The following PANK1 variants were observed in gnomAD, a reference collection of about 807,000 sequenced individuals.
PANK1 encodes the protein pantothenic acid kinase 1.
PANK1 carries 18 observed loss-of-function variants against 40.1 expected under a neutral mutation model. The ratio of observed to expected loss-of-function variants is 0.45; its 90% CI spans 0.31 to 0.67. The LOEUF (loss-of-function observed/expected upper bound fraction) is 0.67, where lower values mean the gene tolerates loss of function less well. Among genes scored for constraint, PANK1 ranks in the 30% least tolerant of loss-of-function variants. The pLI, the probability that PANK1 is intolerant of heterozygous loss-of-function variation, is 0.06. For missense variants in PANK1, 457 were observed against 599.6 expected (o/e 0.76, Z 2.48); for synonymous variants, 242 against 237.7 (o/e 1.02, Z -0.17).
chr10:89,631,223 T>G (rs756381458), intron 1 of PANK1, among the ~76,000 whole-genome samples: 1 of 152,210 alleles, frequency 6.6e-6, no homozygotes, highest in African/African-American at 2.4e-5. Context: ...AAGCACATTT[T>G]CATAAAGCTG....
chr10:89,580,152 G>T (rs1170168145), downstream of PANK1: 6 of 152,196 alleles, frequency 3.9e-5, no homozygotes, highest in African/African-American at 1.4e-4. Context: ...TGTCCTCTGA[G>T]AAAGTTCTCA....
At chr10:89,594,570 T>C (rs1325481348) in intron 3 of PANK1, among the ~76,000 whole-genome samples, 2 of 152,226 alleles carry the variant, frequency 1.3e-5, no homozygotes, top group Non-Finnish European at 2.9e-5. Context: ...TTTAGCCTCC[T>C]TGAATATTTC....
At chr10:89,603,847 G>A (rs1355624291) in intron 2 of PANK1, among the ~76,000 whole-genome samples, 1 of 152,162 alleles carries the variant, frequency 6.6e-6, no homozygotes, top group African/African-American at 2.4e-5. Context: ...AAAGTCTCAA[G>A]CAAGAATGAA....
At chr10:89,636,383 T>C (rs141013407) in intron 1 of PANK1, among the ~76,000 whole-genome samples, 2,279 of 152,012 alleles carry the variant, frequency 0.015, 68 homozygotes, top group African/African-American at 0.052. Context: ...GGAGTGCAGG[T>C]TGGCTTGCAG....
At chr10:89,617,992 C>T (rs186811010) in intron 1 of PANK1, among the ~76,000 whole-genome samples, 6 of 152,328 alleles carry the variant, frequency 3.9e-5, no homozygotes, top group African/African-American at 1.4e-4. Flanking sequence ...GCTGTTCAGG[C>T]TCCAACGCAG....
Position 89,611,834 on chromosome 10 carries a change from G to T in PANK1, c.507C>A (p.Asn169Lys). The T allele has an allele frequency of 6.2e-7, 1 of 1,614,204 alleles. No homozygotes were observed. The highest frequency in any genetic ancestry group is 1.1e-5 in the South Asian group (1 of 91,088). Residue 169 changes from asparagine (N) to lysine (K), a missense_variant, in exon 2 of 7, where the codon AAC becomes AAA. By Grantham distance (94) the Asn-to-Lys change is moderately conservative. Around this residue, in one of 4 missense-constraint regions of PANK1, gnomAD observed 286 missense variants for 415.8 expected, o/e 0.69. Transcript: ENST00000307534. ...KNLTMCGRKGNLHFIRFPSCA... is the reference protein window; with the variant it reads ...KNLTMCGRKGKLHFIRFPSCA... ...AGCTGGGAAAGCGGATGAAGTGCAG[G>T]TTCCCTTTGCGTCCACACATGGTCA...
At chr10:89,609,966 A>G (rs1845101876) in intron 2 of PANK1, among the ~76,000 whole-genome samples, 1 of 152,188 alleles carries the variant, frequency 6.6e-6, no homozygotes, top group Admixed American at 6.5e-5. Flanking sequence ...TCTCCAGTGG[A>G]AATGGACAGA....
chr10:89,587,131 AAAAG>A (rs1291338252), intron 6 of PANK1, among the ~76,000 whole-genome samples: 3 of 152,074 alleles, frequency 2.0e-5, no homozygotes, highest in Non-Finnish European at 4.4e-5. Flanking sequence ...TCAAAAAAAA[AAAAG>A]AAACTCCAAT....
intron 1 of PANK1, among the ~76,000 whole-genome samples, chr10:89,631,010 A>AT (rs1217156597): frequency 8.6e-5 from 13 of 151,520 alleles, no homozygotes; most frequent in South Asian, 4.2e-4. Context: ...CTAAACAAAC[A>AT]TTTTTTTTTA....
At chr10:89,598,879 T>A (rs1844690715) in intron 3 of PANK1, among the ~76,000 whole-genome samples, 1 of 152,216 alleles carries the variant, frequency 6.6e-6, no homozygotes, top group South Asian at 2.1e-4. Context: ...GAGCTAGGCA[T>A]CAATGAGGGT....
At chr10:89,603,084 T>C (rs1844836210) in intron 2 of PANK1, among the ~76,000 whole-genome samples, 1 of 152,220 alleles carries the variant, frequency 6.6e-6, no homozygotes, top group African/African-American at 2.4e-5. Flanking sequence ...CCAGCAAATA[T>C]GCAAATGAAG....
At chr10:89,613,754 T>C (rs7079690) in intron 1 of PANK1, among the ~76,000 whole-genome samples, 82,650 of 152,072 alleles carry the variant, frequency 0.54, 23,336 homozygotes, top group South Asian at 0.63. Context: ...CTGGTCATCC[T>C]CATTTGTTGA....
chr10:89,613,089 G>T (rs763581380), intron 1 of PANK1, among the ~76,000 whole-genome samples: 1 of 152,124 alleles, frequency 6.6e-6, no homozygotes, highest in Non-Finnish European at 1.5e-5. Context: ...AAGAGCAGAG[G>T]TGAGCTACCT....
At chr10:89,639,808 G>A (rs1417837917) in intron 1 of PANK1, among the ~76,000 whole-genome samples, 1 of 152,160 alleles carries the variant, frequency 6.6e-6, no homozygotes, top group Non-Finnish European at 1.5e-5. Context: ...AGGCTGCTGG[G>A]AGTATTTGAT....
chr10:89,580,265 A>G (rs1417372061), downstream of PANK1: 2 of 152,376 alleles, frequency 1.3e-5, no homozygotes, highest in Non-Finnish European at 2.9e-5. Context: ...AATGTTAGGT[A>G]TTCAAAAGTA....
At chr10:89,638,529 A>T (rs1841889263) in intron 1 of PANK1, among the ~76,000 whole-genome samples, 1 of 152,056 alleles carries the variant, frequency 6.6e-6, no homozygotes, top group Admixed American at 6.5e-5. Flanking sequence ...CAAATCCCTA[A>T]ATTCTGTTTC....
chr10:89,637,183 T>A (rs1300412067), intron 1 of PANK1, among the ~76,000 whole-genome samples: 1 of 151,480 alleles, frequency 6.6e-6, no homozygotes, highest in African/African-American at 2.4e-5. Flanking sequence ...GAGCCACAGG[T>A]GGGGTGAGCA....
In PANK1 at chr10:89,644,924, G is replaced by T; in HGVS notation, c.-33C>A. 6.4e-7 allele frequency: 1 copy of T among 1,552,104 alleles called. No individual in the cohort carries two copies. The highest frequency in any genetic ancestry group is 8.7e-7 in the Non-Finnish European group (1 of 1,153,628). ...GCTGGCGGGGCTGTGCGCGGGCCCC[G>T]GCTCAGGCGGCCTCGCTGGAGGTCA... On this transcript the variant is annotated 5_prime_UTR_variant, in exon 1 of 7. Transcript: ENST00000307534.
chr10:89,611,631 T>C, intron 2 of PANK1, 65 bp downstream of exon 2: 5 of 1,167,130 alleles, frequency 4.3e-6, no homozygotes, highest in Non-Finnish European at 6.1e-6. Context: ...TTCTTCGGTA[T>C]GAGTGGCCAT....
Sources: allele counts gnomAD v4.1 joint callset (sites outside exome capture counted in the v4.1 genomes callset), GRCh38; gene constraint gnomAD v4.1.1; regional missense constraint gnomAD v4.1.1; transcripts MANE v1.5; gene names NCBI Gene and HGNC (gene_info 2026-07-23, HGNC 2026-07-21).